Variants in VPS13B observed in about 807,000 individuals in gnomAD.
The protein encoded by VPS13B is intermembrane lipid transfer protein VPS13B.
A neutral mutation model predicts 426.4 loss-of-function variants in VPS13B; 285 were observed. The observed-to-expected ratio is 0.67, with a 90% CI of 0.61 to 0.74. The LOEUF is 0.74. Ranked by LOEUF, VPS13B falls within the 30% of genes least tolerant of loss-of-function variation. The pLI is 0.00. For synonymous variants in VPS13B, 1,676 were observed against 1,676.4 expected (o/e 1.00, Z 0.01); for missense variants, 4,537 against 4,782.6 (o/e 0.95, Z 1.51).
chr8:99,234,504 A>G, intron 17 of VPS13B: 1 of 528,212 alleles, frequency 1.9e-6, no homozygotes, highest in Admixed American at 2.2e-5. Context: ...GCCGGTAGGG[A>G]AGGGGCTTCC....
In VPS13B at chr8:99,098,432, G is replaced by A. The variant is rs1846543426; in HGVS notation, c.412+2000G>A. Among the ~76,000 whole-genome samples the A allele has an allele frequency of 2.6e-5, 4 of 151,984 alleles. No individual in the cohort carries two copies. In the South Asian group the frequency reaches 8.3e-4, roughly 31 times the overall value. On this transcript the variant is annotated intron_variant, in intron 4 of 61. Transcript: ENST00000357162. ...ATGTTATGCCAAAAACATGTTTCCA[G>A]GCCATTCACATTTTTTACGTTGTTA...
rs188496508 is a variant in VPS13B at position 99,475,701 on chromosome 8, G to C, written c.3667-5898G>C. ...TAAGCAAAGTCATCAGCTAGATGGG[G>C]CTTGTGTTTGGCCTTGTATTTCCTT... is the stretch of plus-strand genomic sequence containing the variant. On this transcript the variant is annotated intron_variant, in intron 24 of 61. Transcript: ENST00000357162. Among the ~76,000 whole-genome samples the C allele has an allele frequency of 2.3e-4, 35 of 152,276 alleles. 1 individual carries two copies. The highest frequency in any genetic ancestry group is 1.9e-4 in the Non-Finnish European group (13 of 68,024).
chr8:99,287,489 T>C (rs570815348), intron 19 of VPS13B, among the ~76,000 whole-genome samples: 3 of 152,184 alleles, frequency 2.0e-5, no homozygotes, highest in South Asian at 2.1e-4. Context: ...ACACTTAATA[T>C]AGTATTATTT....
chr8:99,072,684 G>C (rs777069311), intron 3 of VPS13B, among the ~76,000 whole-genome samples: 8 of 152,044 alleles, frequency 5.3e-5, no homozygotes, highest in Non-Finnish European at 1.0e-4. Flanking sequence ...AGTGTTCTGA[G>C]GTGTTTCTCC....
chr8:99,204,121 A>G (rs1018637838), intron 17 of VPS13B, among the ~76,000 whole-genome samples: 8 of 152,240 alleles, frequency 5.3e-5, no homozygotes, highest in South Asian at 2.1e-4. Context: ...CTACAAGGTT[A>G]CTGTAACCAA....
At chr8:99,500,571 C>T (rs986865173) in intron 25 of VPS13B, among the ~76,000 whole-genome samples, 6 of 152,126 alleles carry the variant, frequency 3.9e-5, no homozygotes, top group African/African-American at 1.2e-4. Context: ...CATCTGACTT[C>T]GTTAACCCAG....
At chr8:99,843,473 C>T (rs1367609227) in intron 54 of VPS13B, among the ~76,000 whole-genome samples, 1 of 152,192 alleles carries the variant, frequency 6.6e-6, no homozygotes, top group Non-Finnish European at 1.5e-5. Context: ...TCTAGCACTT[C>T]TAAGCGATGC....
chr8:99,874,006 C>T (rs761927908), intron 61 of VPS13B, among the ~76,000 whole-genome samples: 3 of 152,210 alleles, frequency 2.0e-5, no homozygotes, highest in Non-Finnish European at 4.4e-5. Context: ...TCATGCAGTA[C>T]ATTTAAATAT....
intron 17 of VPS13B, among the ~76,000 whole-genome samples, chr8:99,242,591 A>G (rs1407240843): frequency 6.6e-6 from 1 of 152,168 alleles, no homozygotes; most frequent in Non-Finnish European, 1.5e-5. Context: ...ATACGTTGTC[A>G]TATGTAATCT....
chr8:99,655,269 A>G (rs1362687152), intron 34 of VPS13B, among the ~76,000 whole-genome samples: 1 of 152,240 alleles, frequency 6.6e-6, no homozygotes, highest in East Asian at 1.9e-4. Context: ...TACCAGAGAC[A>G]AAGAGTTTTG....
chr8:99,747,300 G>A (rs1214049836), intron 39 of VPS13B, among the ~76,000 whole-genome samples: 2 of 151,362 alleles, frequency 1.3e-5, no homozygotes, highest in African/African-American at 2.4e-5. Flanking sequence ...AAAAAAAAAA[G>A]TTTTAATTTT....
intron 5 of VPS13B, among the ~76,000 whole-genome samples, chr8:99,105,561 T>G (rs1190179012): frequency 6.6e-6 from 1 of 152,100 alleles, no homozygotes; most frequent in Non-Finnish European, 1.5e-5. Context: ...ATATTTTTGG[T>G]AGAGACGGGG....
rs1449415994 is a variant in VPS13B at position 99,273,795 on chromosome 8, A to AAAAAAAT, written c.2516-385_2516-379dup. ...GTGACAGAGTGAGACTCTGTCTCAA[A>AAAAAAAT]AAAAAATAAAAAATAAAAAATAAAG... On this transcript the variant is annotated intron_variant, in intron 17 of 61. Transcript: ENST00000357162. Among the ~76,000 whole-genome samples the AAAAAAAT allele has an allele frequency of 1.2e-4, 18 of 152,260 alleles. No homozygotes were observed. The South Asian group carries it at 3.7e-3, about 32-fold the overall frequency.
chr8:99,415,451 T>C (rs1815946264), intron 21 of VPS13B, among the ~76,000 whole-genome samples: 1 of 152,120 alleles, frequency 6.6e-6, no homozygotes, highest in Non-Finnish European at 1.5e-5. Flanking sequence ...CAGTTTTGTT[T>C]CCTTGCTGCA....
intron 36 of VPS13B, among the ~76,000 whole-genome samples, chr8:99,707,574 A>C (rs1832541696): frequency 1.3e-5 from 2 of 152,180 alleles, no homozygotes; most frequent in Admixed American, 1.3e-4. Flanking sequence ...ATAACTAACT[A>C]TACCAACTTG....
At chr8:99,568,276 C>CTAT (rs745860921) in intron 31 of VPS13B, among the ~76,000 whole-genome samples, 3,404 of 117,040 alleles carry the variant, frequency 0.029, 109 homozygotes, top group African/African-American at 0.08. Flanking sequence ...ATACCGATAA[C>CTAT]TATTATTATT....
chr8:99,859,173 C>T, intron 56 of VPS13B, 131 bp from the exon 57 acceptor site: 1 of 1,127,288 alleles, frequency 8.9e-7, no homozygotes, highest in Non-Finnish European at 1.3e-6. Flanking sequence ...TTATTTTCTT[C>T]CAAAGAAACA....
intron 8 of VPS13B, among the ~76,000 whole-genome samples, chr8:99,127,894 G>A (rs1220341902): frequency 6.6e-6 from 1 of 152,100 alleles, no homozygotes; most frequent in Non-Finnish European, 1.5e-5. Flanking sequence ...TATCTTGAAT[G>A]TCTGGCTTAG....
intron 40 of VPS13B, among the ~76,000 whole-genome samples, chr8:99,775,672 T>C (rs1477117598): frequency 6.6e-6 from 1 of 151,950 alleles, no homozygotes; most frequent in African/African-American, 2.4e-5. Flanking sequence ...CCAAGGCGGG[T>C]GGATCACTTG....
Sources: allele counts gnomAD v4.1 joint callset (sites outside exome capture counted in the v4.1 genomes callset), GRCh38; gene constraint gnomAD v4.1.1; transcripts MANE v1.5; gene names NCBI Gene and HGNC (gene_info 2026-07-23, HGNC 2026-07-21).